The following FABP5 variants were observed in gnomAD, a reference collection of about 807,000 sequenced individuals.
FABP5 encodes the protein fatty acid-binding protein 5.
A neutral mutation model predicts 16.9 loss-of-function variants in FABP5; 7 were observed. The observed-to-expected ratio is 0.41, with a 90% CI of 0.24 to 0.78. The LOEUF (loss-of-function observed/expected upper bound fraction) is 0.78. FABP5 is among the 30% of genes least tolerant of loss of function. The probability of loss-of-function intolerance (pLI) is 0.30; values close to 1 mark genes in which losing one functional copy is unlikely to be tolerated. For missense variants in FABP5, 119 were observed against 159.5 expected (o/e 0.75, Z 1.37); for synonymous variants, 37 against 52.8 (o/e 0.70, Z 1.30).
At chr8:81,283,135 G>A (rs1371453020) in intron 1 of FABP5, 7 of 385,944 alleles carry the variant, frequency 1.8e-5, no homozygotes, top group Non-Finnish European at 3.3e-5. Context: ...TTTCTCATCA[G>A]TAAAATGGAG....
At position 81,281,885 on chromosome 8, in the gene FABP5, G is replaced by A. The variant is rs190828877; in HGVS notation, c.79+1211G>A. Among the ~76,000 whole-genome samples, 2 of 152,260 alleles carry A rather than the reference G, an allele frequency of 1.3e-5. No individual in the cohort carries two copies. The highest frequency in any genetic ancestry group is 1.9e-4 in the East Asian group (1 of 5,178). ...GCCCTAAGGGATGGCTGGGATTTATGAGGGTGCTTCAGAAGCCGGTATCCA... is the reference window on the plus strand; with the variant it reads ...GCCCTAAGGGATGGCTGGGATTTATAAGGGTGCTTCAGAAGCCGGTATCCA... On this transcript the variant is annotated intron_variant, in intron 1 of 3. Coordinates refer to ENST00000297258, the MANE Select transcript of FABP5 (RefSeq NM_001444.3). The surrounding 1 kb of genome is among the most constrained non-coding windows in gnomAD (Gnocchi z 4.5).
intron 3 of FABP5, 140 bp from the exon 4 acceptor site, chr8:81,284,374 C>A: frequency 1.6e-6 from 1 of 608,622 alleles, no homozygotes. Flanking sequence ...CTCTCAAACC[C>A]GTGAATTCTG....
chr8:81,284,073 A>G (rs1807875563), intron 3 of FABP5, 99 bp downstream of exon 3: 1 of 883,620 alleles, frequency 1.1e-6, no homozygotes, highest in Non-Finnish European at 1.7e-6. Context: ...CTCAGTTTGG[A>G]AGAAAAAAAA....
chr8:81,283,394 C>T lies in FABP5; in HGVS notation c.108C>T (p.Gly36=), dbSNP rs765699819. The T allele has an allele frequency of 8.4e-5, 134 of 1,596,824 alleles. No homozygotes were observed. Among genetic ancestry groups the T allele is most frequent in the Non-Finnish European group, 1.1e-4 (125 of 1,173,074 alleles). The part of the protein sequence containing the change: ...LGVGIALRKM[G]AMAKPDCIIT... The stretch of plus-strand genomic sequence containing the variant: ...TGGGAATAGCTTTGCGAAAAATGGG[C>T]GCAATGGCCAAGCCAGATTGTATCA... Residue 36 remains glycine, a synonymous_variant, in exon 2 of 4, where the codon GGC becomes GGT. Transcript: ENST00000297258.
intron 3 of FABP5, 126 bp downstream of exon 3, chr8:81,284,100 A>T (rs1233860893): frequency 2.9e-6 from 2 of 686,370 alleles, no homozygotes; most frequent in Admixed American, 5.0e-5. Flanking sequence ...TAACAAGTTA[A>T]ATACTAGAAC....
intron 3 of FABP5, 110 bp from the exon 4 acceptor site, chr8:81,284,404 A>G: frequency 1.4e-6 from 1 of 707,114 alleles, no homozygotes; most frequent in East Asian, 2.6e-5. Flanking sequence ...TTCTCCATCT[A>G]TGAAGTAGAT....
At position 81,281,430 on chromosome 8, in the gene FABP5, G is replaced by T; in HGVS notation, c.79+756G>T. The T allele has an allele frequency of 1.0e-6, 1 of 986,192 alleles. No homozygotes were observed. The highest frequency in any genetic ancestry group is 1.2e-6 in the Non-Finnish European group (1 of 830,658). 61.1% of individuals were successfully genotyped at this position (986,192 alleles called of 1,614,324 possible). On this transcript the variant is annotated intron_variant, in intron 1 of 3. Coordinates refer to ENST00000297258, the MANE Select transcript of FABP5 (RefSeq NM_001444.3). This position sits in a 1 kb window ranked among gnomAD's most constrained non-coding sequence, Gnocchi z 4.5. ...GCCGACCTGCTGCTGGCACTGCCGG[G>T]CCGGGGCGCCGCAGTGGGCGGGTGG...
intron 2 of FABP5, 36 bp from the exon 3 acceptor site, chr8:81,283,837 A>G (rs146288109): frequency 6.5e-7 from 1 of 1,535,912 alleles, no homozygotes; most frequent in Non-Finnish European, 8.9e-7. Context: ...CTTGTAATGT[A>G]CTTGGAAGAT....
rs1014744861 is a variant in FABP5, at chr8:81,284,562, G to C, written c.403G>C (p.Glu135Gln). The change falls in exon 4 of 4, where the codon GAA (glutamate) becomes CAA (glutamine). Residue 135 changes from glutamate (E) to glutamine (Q), a missense_variant. Coordinates refer to ENST00000297258, the MANE Select transcript of FABP5 (RefSeq NM_001444.3). Reference sequence around the variant, plus strand: ...CTGTACTCGGATCTATGAAAAAGTAGAATAAAAATTCCATCATCACTTTGG... The same window carrying C: ...CTGTACTCGGATCTATGAAAAAGTACAATAAAAATTCCATCATCACTTTGG... Reference protein sequence around the residue: ...VTCTRIYEKVE With the variant: ...VTCTRIYEKVQ The C allele has an allele frequency of 5.1e-6, 8 of 1,582,228 alleles. No individual in the cohort carries two copies. The highest frequency in any genetic ancestry group is 6.9e-6 in the Non-Finnish European group (8 of 1,155,956).
At chr8:81,283,692 T>A (rs889979142) in intron 2 of FABP5, among the ~76,000 whole-genome samples, 154 bp downstream of exon 2, 1 of 152,214 alleles carries the variant, frequency 6.6e-6, no homozygotes, top group African/African-American at 2.4e-5. Flanking sequence ...CATCATAGAA[T>A]TGGCATCTTT....
chr8:81,284,049 G>T, intron 3 of FABP5, 75 bp downstream of exon 3: 1 of 1,096,508 alleles, frequency 9.1e-7, no homozygotes, highest in South Asian at 1.4e-5. Context: ...CTATATCATT[G>T]ATCATTAACA....
At chr8:81,284,058 C>A in intron 3 of FABP5, 84 bp downstream of exon 3, 1 of 1,033,794 alleles carries the variant, frequency 9.7e-7, no homozygotes, top group South Asian at 1.5e-5. Flanking sequence ...TGATCATTAA[C>A]AGAACTCAGT....
chr8:81,280,578 A>G lies in FABP5; in HGVS notation c.-18A>G. 1 of 1,550,426 alleles carries G rather than the reference A, an allele frequency of 6.4e-7. No homozygotes were observed. Among genetic ancestry groups the G allele is most frequent in the East Asian group, 2.4e-5 (1 of 41,086 alleles). On this transcript the variant is annotated 5_prime_UTR_variant, in exon 1 of 4. Coordinates refer to ENST00000297258, the MANE Select transcript of FABP5 (RefSeq NM_001444.3). The stretch of plus-strand genomic sequence containing the variant: ...CGACGCAGACCCCTCTCTGCACGCC[A>G]GCCCGCCCGCACCCACCATGGCCAC...
Position 81,284,495 on chromosome 8 carries a change from A to T in FABP5, c.355-19A>T. ...ATCTAAGGCTAACCTAACTCTTTTA[A>T]TATCTTTCCTTCTTCTAGGAGTGTG... On this transcript the variant is annotated intron_variant, in intron 3 of 3. Transcript: ENST00000297258. 6.4e-7 allele frequency: 1 copy of T among 1,573,688 alleles called. No homozygotes were observed. Among genetic ancestry groups the T allele is most frequent in the Non-Finnish European group, 8.7e-7 (1 of 1,144,782 alleles).
Position 81,280,550 on chromosome 8 carries a change from C to A in FABP5, c.-46C>A, listed in dbSNP as rs1259387447. The A allele has an allele frequency of 6.5e-7, 1 of 1,539,866 alleles. No individual in the cohort carries two copies. The highest frequency in any genetic ancestry group is 1.2e-5 in the South Asian group (1 of 83,106). On this transcript the variant is annotated 5_prime_UTR_variant, in exon 1 of 4. Transcript: ENST00000297258. ...CCGGGTGCCTCACAGCACGCTGCCA[C>A]GCCGACGCAGACCCCTCTCTGCACG...
At chr8:81,280,926 C>A in intron 1 of FABP5, 7 of 492,848 alleles carry the variant, frequency 1.4e-5, no homozygotes, top group Non-Finnish European at 2.6e-5. Flanking sequence ...TGGTCCACCC[C>A]GTGGTCCACC....
chr8:81,282,167 A>AATGT (rs34018767), intron 1 of FABP5, among the ~76,000 whole-genome samples: 1 of 147,692 alleles, frequency 6.8e-6, no homozygotes, highest in Non-Finnish European at 1.5e-5. Flanking sequence ...AATAAATAAC[A>AATGT]GTGTGTGTGT....
chr8:81,283,833 A>G (rs1156563026), intron 2 of FABP5, 40 bp from the exon 3 acceptor site: 2 of 1,517,960 alleles, frequency 1.3e-6, no homozygotes, highest in Non-Finnish European at 1.8e-6. Flanking sequence ...AACTCTTGTA[A>G]TGTACTTGGA....
chr8:81,284,644 GTTTC>G lies in FABP5; in HGVS notation c.*85_*88del, dbSNP rs1440511914. 18 of 741,244 alleles carry G rather than the reference GTTTC, an allele frequency of 2.4e-5. No homozygotes were observed. Among genetic ancestry groups the G allele is most frequent in the South Asian group, 1.5e-4 (9 of 58,720 alleles). 45.9% of individuals were successfully genotyped at this position (741,244 alleles called of 1,614,324 possible). A position where few individuals can be genotyped will look rare whatever the true frequency, so the allele number is the denominator to read the frequency against. ...AGTTCAATGAGCAAATCTCCATACT[GTTTC>G]TTTCTTTTTTTTTTCATTACTGTGT... On this transcript the variant is annotated 3_prime_UTR_variant, in exon 4 of 4. Transcript: ENST00000297258.
Sources: allele counts gnomAD v4.1 joint callset (sites outside exome capture counted in the v4.1 genomes callset), GRCh38; gene constraint gnomAD v4.1.1; non-coding constraint Gnocchi (gnomAD v3.1); transcripts MANE v1.5; gene names NCBI Gene and HGNC (gene_info 2026-07-23, HGNC 2026-07-21).